ZHX2: variants seen among roughly 807,000 people sequenced by gnomAD.
The protein encoded by ZHX2 is zinc fingers and homeoboxes protein 2.
In ZHX2, 6 loss-of-function variants were observed where a neutral mutation model predicts 21.9. The observed-to-expected ratio is 0.27, with a 90% CI of 0.15 to 0.54. The LOEUF (loss-of-function observed/expected upper bound fraction) is 0.54, where lower values mean the gene tolerates loss of function less well. Among genes scored for constraint, ZHX2 ranks in the 20% least tolerant of loss-of-function variants. ZHX2 has a pLI of 0.95. For synonymous variants in ZHX2, 434 were observed against 437.1 expected (o/e 0.99, Z 0.09); for missense variants, 908 against 1,090.7 (o/e 0.83, Z 2.36).
intron 1 of ZHX2, among the ~76,000 whole-genome samples, chr8:122,818,999 A>C (rs193249139): frequency 6.8e-4 from 103 of 152,346 alleles, no homozygotes; most frequent in African/African-American, 2.4e-3. Flanking sequence ...GCAAGAGTGA[A>C]GATTTTTTGT....
At chr8:122,970,963 G>C (rs1399203847) in intron 3 of ZHX2, among the ~76,000 whole-genome samples, 1 of 152,224 alleles carries the variant, frequency 6.6e-6, no homozygotes, top group Non-Finnish European at 1.5e-5. Flanking sequence ...AATAGGTACA[G>C]GGAGGAGCAA....
At chr8:122,804,145 G>C (rs1817777505) in intron 1 of ZHX2, among the ~76,000 whole-genome samples, 1 of 152,154 alleles carries the variant, frequency 6.6e-6, no homozygotes, top group Non-Finnish European at 1.5e-5. Context: ...GAGGCTTGCT[G>C]TCACCCAGGC....
intron 1 of ZHX2, among the ~76,000 whole-genome samples, chr8:122,811,239 G>T (rs551574551): frequency 6.6e-6 from 1 of 152,122 alleles, no homozygotes; most frequent in South Asian, 2.1e-4. Flanking sequence ...AAATAGCTGG[G>T]CGTAGTGGCA....
At chr8:122,933,169 G>A (rs1465875407) in intron 2 of ZHX2, among the ~76,000 whole-genome samples, 2 of 152,108 alleles carry the variant, frequency 1.3e-5, no homozygotes, top group African/African-American at 4.8e-5. Context: ...TCTGTGCCTG[G>A]GGAGCAGAGA....
chr8:122,872,826 C>T (rs1477883447), intron 2 of ZHX2, among the ~76,000 whole-genome samples: 1 of 152,324 alleles, frequency 6.6e-6, no homozygotes, highest in South Asian at 2.1e-4. Flanking sequence ...TGTCTGCAGG[C>T]GTCGTGTCTC....
At chr8:122,817,158 G>A (rs1818052264) in intron 1 of ZHX2, among the ~76,000 whole-genome samples, 1 of 152,210 alleles carries the variant, frequency 6.6e-6, no homozygotes, top group Non-Finnish European at 1.5e-5. Context: ...TAATGTAACT[G>A]CATGCCTGGG....
chr8:122,825,899 T>A (rs138210498), intron 1 of ZHX2, among the ~76,000 whole-genome samples: 1 of 152,196 alleles, frequency 6.6e-6, no homozygotes, highest in Admixed American at 6.5e-5. Flanking sequence ...TCCCCCTCTC[T>A]TTATTTCCTC....
At chr8:122,834,679 G>C (rs1041898883) in intron 1 of ZHX2, among the ~76,000 whole-genome samples, 1 of 152,206 alleles carries the variant, frequency 6.6e-6, no homozygotes, top group Non-Finnish European at 1.5e-5. Context: ...GCCGAATATC[G>C]GTGGTGGATT....
At chr8:122,945,429 G>C (rs1415738316) in intron 2 of ZHX2, among the ~76,000 whole-genome samples, 1 of 78,516 alleles carries the variant, frequency 1.3e-5, no homozygotes, top group Non-Finnish European at 2.1e-5. Context: ...TATAAACCCT[G>C]TCTCTGCAAA....
intron 1 of ZHX2, among the ~76,000 whole-genome samples, chr8:122,838,348 T>G (rs58617677): frequency 0.25 from 38,275 of 152,070 alleles, 6,929 homozygotes; most frequent in African/African-American, 0.51. Context: ...GAGAAACTCA[T>G]TACATGTTCT....
intron 2 of ZHX2, among the ~76,000 whole-genome samples, chr8:122,948,898 C>G (rs572404226): frequency 6.6e-6 from 1 of 152,134 alleles, no homozygotes; most frequent in Non-Finnish European, 1.5e-5. Flanking sequence ...GCTATCAAGA[C>G]AGGGAATCAC....
chr8:122,892,578 T>TCTG (rs1820007860), intron 2 of ZHX2, among the ~76,000 whole-genome samples: 3 of 152,240 alleles, frequency 2.0e-5, no homozygotes, highest in Non-Finnish European at 4.4e-5. Flanking sequence ...CATTTGTGTA[T>TCTG]CTGCTTTACC....
At chr8:122,897,424 T>C (rs1820123379) in intron 2 of ZHX2, among the ~76,000 whole-genome samples, 1 of 152,218 alleles carries the variant, frequency 6.6e-6, no homozygotes, top group Non-Finnish European at 1.5e-5. Context: ...ACATCACTGA[T>C]GATTACATTT....
intron 2 of ZHX2, among the ~76,000 whole-genome samples, chr8:122,899,529 A>G (rs1820177288): frequency 6.6e-6 from 1 of 152,230 alleles, no homozygotes; most frequent in African/African-American, 2.4e-5. Flanking sequence ...AAGCCCTTTG[A>G]GGCAATAGAA....
At position 122,868,698 on chromosome 8, in the gene ZHX2, C is replaced by CA. The variant is rs35306891; in HGVS notation, c.-220+5182dup. Among the ~76,000 whole-genome samples the CA allele has an allele frequency of 4.0e-3, 403 of 100,602 alleles. 2 individuals carry two copies. The highest frequency in any genetic ancestry group is 6.0e-3 in the Admixed American group (53 of 8,884). The allele number at this position is 100,602 out of a possible 152,430, so 66.0% of individuals were successfully genotyped here. On this transcript the variant is annotated intron_variant, in intron 2 of 3. Coordinates refer to ENST00000314393, the MANE Select transcript of ZHX2 (RefSeq NM_014943.5). ...CCTGGGTGGCAGAGCAAGACTCCGT[C>CA]AAAAAAAAAAAAAAAAAAAAAAATA... is the stretch of plus-strand genomic sequence containing the variant.
intron 2 of ZHX2, among the ~76,000 whole-genome samples, chr8:122,868,695 C>T (rs776226247): frequency 3.7e-4 from 31 of 84,494 alleles, no homozygotes; most frequent in African/African-American, 1.4e-3. Flanking sequence ...AGCAAGACTC[C>T]GTCAAAAAAA....
chr8:122,912,730 T>C (rs1254454456), intron 2 of ZHX2, among the ~76,000 whole-genome samples: 3 of 152,086 alleles, frequency 2.0e-5, no homozygotes, highest in Non-Finnish European at 4.4e-5. Flanking sequence ...ACATACTGAT[T>C]TGTTAGCAAA....
At chr8:122,948,592 C>A (rs1365108094) in intron 2 of ZHX2, among the ~76,000 whole-genome samples, 1 of 152,000 alleles carries the variant, frequency 6.6e-6, no homozygotes, top group Admixed American at 6.5e-5. Flanking sequence ...TCTAAACATA[C>A]AAAAGTTCTT....
At chr8:122,946,392 C>T (rs1317400263) in intron 2 of ZHX2, among the ~76,000 whole-genome samples, 1 of 152,118 alleles carries the variant, frequency 6.6e-6, no homozygotes, top group African/African-American at 2.4e-5. Flanking sequence ...TCTGTGTTTT[C>T]TGAGCTCTCC....
Sources: gnomAD v4.1 joint callset for allele counts (sites outside exome capture counted in the v4.1 genomes callset) on GRCh38, gnomAD v4.1.1 for gene constraint, MANE v1.5 for transcripts, NCBI Gene and HGNC (gene_info 2026-07-23, HGNC 2026-07-21) for gene names.